CCSAP: variants seen among roughly 807,000 people sequenced by gnomAD.
The protein encoded by CCSAP is centriole, cilia and spindle-associated protein.
A neutral mutation model predicts 25.9 loss-of-function variants in CCSAP; 17 were observed. That is an observed-to-expected ratio of 0.66 (90% CI 0.45 to 0.99). CCSAP has a LOEUF of 0.99. CCSAP is among the 50% of genes least tolerant of loss of function. CCSAP has a pLI of 0.00. For missense variants in CCSAP, 339 were observed against 367.8 expected, an observed-to-expected ratio of 0.92 and a Z score of 0.64; for synonymous variants, 169 against 157.1, an observed-to-expected ratio of 1.08 and a Z score of -0.57.
Position 229,324,576 on chromosome 1 carries a change from G to C in CCSAP, c.*659C>G, listed in dbSNP as rs237800. 32,702 of 152,526 alleles carry C rather than the reference G, an allele frequency of 0.21. 3,695 individuals carry two copies. The highest frequency in any genetic ancestry group is 0.29 in the African/African-American group (11,845 of 41,464). 9.4% of individuals were successfully genotyped at this position (152,526 alleles called of 1,614,324 possible). On this transcript the variant is annotated 3_prime_UTR_variant, in exon 4 of 4. Transcript: ENST00000284617. ...TAAACTATTAAATAATAACTGCCTA[G>C]ATGATCACTGAAAGAGAAAAAGAGA...
chr1:229,324,420 T>C lies in CCSAP; in HGVS notation c.*815A>G, dbSNP rs1181502702. 6.3e-5 allele frequency: 9 copies of C among 142,466 alleles called. No individual in the cohort carries two copies. Among genetic ancestry groups the C allele is most frequent in the Admixed American group, 1.5e-4 (2 of 13,474 alleles). The allele number at this position is 142,466 out of a possible 1,614,324, so 8.8% of individuals were successfully genotyped here. On this transcript the variant is annotated 3_prime_UTR_variant, in exon 4 of 4. Transcript: ENST00000284617. ...GTGACAAGGGACTGAATCCACAGTA[T>C]GTATTCTTTAAAAAAAAAAAAAAAG...
Position 229,329,277 on chromosome 1 carries a change from G to T in CCSAP, c.368-2271C>A, listed in dbSNP as rs550187058. Among the ~76,000 whole-genome samples the T allele has an allele frequency of 2.9e-4, 44 of 152,278 alleles. No homozygotes were observed. The South Asian group carries it at 8.9e-3, about 31-fold the overall frequency. On this transcript the variant is annotated intron_variant, in intron 2 of 3. Coordinates refer to ENST00000284617, the MANE Select transcript of CCSAP (RefSeq NM_145257.5). ...GAAGCCTGCCCATAGAAGGCAATAA[G>T]GATTTCATTGATAGGACAATCTGGG...
At chr1:229,334,472 A>G (rs1195117591) in intron 2 of CCSAP, among the ~76,000 whole-genome samples, 2 of 152,224 alleles carry the variant, frequency 1.3e-5, no homozygotes, top group Non-Finnish European at 2.9e-5. Context: ...GGAAATTTAT[A>G]GCCTGAAATG....
chr1:229,340,570 C>T (rs1658308175), intron 2 of CCSAP: 1 of 615,144 alleles, frequency 1.6e-6, no homozygotes, highest in Non-Finnish European at 3.0e-6. Context: ...TCAGTACCCA[C>T]AGGAATAATC....
chr1:229,332,723 TAATTA>T (rs1455896159), intron 2 of CCSAP, among the ~76,000 whole-genome samples: 3 of 152,106 alleles, frequency 2.0e-5, no homozygotes, highest in East Asian at 3.8e-4. Context: ...TTTAATTAAT[TAATTA>T]AAAGTAAATA....
intron 2 of CCSAP, among the ~76,000 whole-genome samples, chr1:229,335,302 G>C (rs1013490830): frequency 6.6e-6 from 1 of 151,962 alleles, no homozygotes; most frequent in Non-Finnish European, 1.5e-5. Flanking sequence ...CTAGGCAACA[G>C]ACTGAGACCC....
chr1:229,329,399 T>C (rs1658018031), intron 2 of CCSAP, among the ~76,000 whole-genome samples: 1 of 152,160 alleles, frequency 6.6e-6, no homozygotes, highest in East Asian at 1.9e-4. Flanking sequence ...TATAAATAGT[T>C]CAAAATAGCA....
intron 2 of CCSAP, among the ~76,000 whole-genome samples, chr1:229,338,072 A>G (rs1291813333): frequency 5.9e-5 from 9 of 152,206 alleles, no homozygotes; most frequent in Non-Finnish European, 1.0e-4. Context: ...CAAACACAGA[A>G]CAGAGATTAA....
rs796493939 is a variant in CCSAP at position 229,335,319 on chromosome 1, A to C, written c.367+6780T>G. On this transcript the variant is annotated intron_variant, in intron 2 of 3. Coordinates refer to ENST00000284617, the MANE Select transcript of CCSAP (RefSeq NM_145257.5). ...AGGCAACAGACTGAGACCCTGTCTC[A>C]AAAGAAAGAAAAAAAAAATGAAAGA... 2.6e-5 allele frequency among the ~76,000 whole-genome samples: 4 copies of C among 152,068 alleles called. 1 individual carries two copies. The highest frequency in any genetic ancestry group is 9.7e-5 in the African/African-American group (4 of 41,402).
In CCSAP at chr1:229,342,280, C is replaced by A. The variant is rs1453255011; in HGVS notation, c.186G>T (p.Ala62=). 2.2e-6 allele frequency: 3 copies of A among 1,366,488 alleles called. No individual in the cohort carries two copies. Among genetic ancestry groups the A allele is most frequent in the African/African-American group, 3.0e-5 (2 of 66,734 alleles). 84.6% of individuals were successfully genotyped at this position (1,366,488 alleles called of 1,614,324 possible). The part of the protein sequence containing the change: ...WGPAGSSEDS[A]SSESSGAGGP... ...CCCCGGCGCCCGACGACTCTGACGA[C>A]GCCGAGTCCTCCGAGGAGCCGGCCG... Residue 62 remains alanine (A), a synonymous_variant, in exon 2 of 4, where the codon GCG becomes GCT. Transcript: ENST00000284617. The surrounding 1 kb of genome is among the most constrained non-coding windows in gnomAD (Gnocchi z 7.5).
rs774475303 is a variant in CCSAP at position 229,322,710 on chromosome 1, C to T, written c.*2525G>A. 3 of 152,112 alleles carry T rather than the reference C, an allele frequency of 2.0e-5. No individual in the cohort carries two copies. Among genetic ancestry groups the T allele is most frequent in the Admixed American group, 6.5e-5 (1 of 15,268 alleles). The allele number at this position is 152,112 out of a possible 1,614,324, so 9.4% of individuals were successfully genotyped here. On this transcript the variant is annotated 3_prime_UTR_variant, in exon 4 of 4. Coordinates refer to ENST00000284617, the MANE Select transcript of CCSAP (RefSeq NM_145257.5). The stretch of plus-strand genomic sequence containing the variant: ...CGATTCCTGTTCACTTCTCCTCCCG[C>T]GGACTTAATGTCCAGCAGAGTGCTA...
Position 229,342,299 on chromosome 1 carries a change from C to A in CCSAP, c.167G>T (p.Gly56Val). 2.1e-6 allele frequency: 3 copies of A among 1,418,956 alleles called. No individual in the cohort carries two copies. Among genetic ancestry groups the A allele is most frequent in the Non-Finnish European group, 1.8e-6 (2 of 1,085,916 alleles). The allele number at this position is 1,418,956 out of a possible 1,614,324, so 87.9% of individuals were successfully genotyped here. A position where few individuals can be genotyped will look rare whatever the true frequency, so the allele number is the denominator to read the frequency against. The stretch of plus-strand genomic sequence containing the variant: ...TGACGACGCCGAGTCCTCCGAGGAG[C>A]CGGCCGGGCCCCAGTCGTCCCAGAG... ...PWLWDDWGPA[G>V]SSEDSASSES... Residue 56 changes from glycine to valine, a missense_variant, in exon 2 of 4, where the codon GGC becomes GTC. Coordinates refer to ENST00000284617, the MANE Select transcript of CCSAP (RefSeq NM_145257.5). The surrounding 1 kb of genome is among the most constrained non-coding windows in gnomAD (Gnocchi z 7.5).
chr1:229,330,769 C>T (rs1180285590), intron 2 of CCSAP, among the ~76,000 whole-genome samples: 10 of 150,072 alleles, frequency 6.7e-5, no homozygotes, highest in African/African-American at 2.2e-4. Context: ...AGTGTGAACC[C>T]GGGAGGCGGA....
rs936372351 is a variant in CCSAP, at chr1:229,321,262, G to A, written c.*3973C>T. On this transcript the variant is annotated 3_prime_UTR_variant, in exon 4 of 4. Coordinates refer to ENST00000284617, the MANE Select transcript of CCSAP (RefSeq NM_145257.5). ...TATTAGAAGAGAAATCCAAAAAGAGGCCTCTACTGCCTTCATTCAAGTGTC... is the reference window on the plus strand; with the variant it reads ...TATTAGAAGAGAAATCCAAAAAGAGACCTCTACTGCCTTCATTCAAGTGTC... The A allele has an allele frequency of 2.0e-5, 3 of 152,092 alleles. No individual in the cohort carries two copies. The highest frequency in any genetic ancestry group is 7.2e-5 in the African/African-American group (3 of 41,412). The allele number at this position is 152,092 out of a possible 1,614,324, so 9.4% of individuals were successfully genotyped here.
At chr1:229,339,984 C>T (rs769349039) in intron 2 of CCSAP, among the ~76,000 whole-genome samples, 19 of 152,038 alleles carry the variant, frequency 1.2e-4, no homozygotes, top group Non-Finnish European at 2.1e-4. Context: ...CAATAAAAGC[C>T]ATGTTACTTG....
intron 2 of CCSAP, among the ~76,000 whole-genome samples, chr1:229,336,253 G>A (rs1658192509): frequency 6.6e-6 from 1 of 151,216 alleles, no homozygotes; most frequent in South Asian, 2.1e-4. Flanking sequence ...CTTTCCCCTA[G>A]CTCATATGCC....
At position 229,342,528 on chromosome 1, in the gene CCSAP, A is replaced by G. The variant is rs1658364498; in HGVS notation, c.-48-15T>C. The G allele has an allele frequency of 2.6e-6, 3 of 1,158,934 alleles. No individual in the cohort carries two copies. Among genetic ancestry groups the G allele is most frequent in the Non-Finnish European group, 3.3e-6 (3 of 905,068 alleles). 71.8% of individuals were successfully genotyped at this position (1,158,934 alleles called of 1,614,324 possible). A position where few individuals can be genotyped will look rare whatever the true frequency, so the allele number is the denominator to read the frequency against. ...CTGCCCGCAGCCTACGGGACCCGGT[A>G]CACGACACAGAGGCCGCCCCGCCCC... On this transcript the variant is annotated splice_polypyrimidine_tract_variant and intron_variant, in intron 1 of 3. Transcript: ENST00000284617. This position sits in a 1 kb window ranked among gnomAD's most constrained non-coding sequence, Gnocchi z 7.5.
At chr1:229,332,475 T>A (rs546286423) in intron 2 of CCSAP, among the ~76,000 whole-genome samples, 57 of 152,164 alleles carry the variant, frequency 3.7e-4, no homozygotes, top group Non-Finnish European at 6.6e-4. Flanking sequence ...GAGGAAAGAG[T>A]TTGAGAGTTT....
chr1:229,329,283 C>T (rs1658013058), intron 2 of CCSAP, among the ~76,000 whole-genome samples: 1 of 152,140 alleles, frequency 6.6e-6, no homozygotes, highest in South Asian at 2.1e-4. Context: ...ATAAGGATTT[C>T]ATTGATAGGA....
Sources: allele counts gnomAD v4.1 joint callset (sites outside exome capture counted in the v4.1 genomes callset), GRCh38; gene constraint gnomAD v4.1.1; non-coding constraint Gnocchi (gnomAD v3.1); transcripts MANE v1.5; gene names NCBI Gene and HGNC (gene_info 2026-07-23, HGNC 2026-07-21).